The following COL1A2 variants were observed in gnomAD, a reference collection of about 807,000 sequenced individuals.
The protein encoded by COL1A2 is collagen type I alpha 2 chain.
In COL1A2, 49 loss-of-function variants were observed where a neutral mutation model predicts 174.3. That is an observed-to-expected ratio of 0.28 (90% CI 0.22 to 0.36). The LOEUF (loss-of-function observed/expected upper bound fraction) is 0.36, where lower values mean the gene tolerates loss of function less well. COL1A2 is among the 10% of genes least tolerant of loss of function. The pLI, the probability that COL1A2 is intolerant of heterozygous loss-of-function variation, is 1.00. For synonymous variants in COL1A2, 655 were observed against 606.6 expected (o/e 1.08, Z -1.17); for missense variants, 1,438 against 1,822.7 (o/e 0.79, Z 3.84).
intron 19 of COL1A2, 109 bp from the exon 20 acceptor site, chr7:94,410,133 G>T (rs1671936002): frequency 9.0e-7 from 1 of 1,108,046 alleles, no homozygotes. Context: ...ATTTCCTAGA[G>T]AACTTGAGCT....
In COL1A2 at chr7:94,426,049, A is replaced by G. The variant is rs778510332; in HGVS notation, c.2995A>G (p.Ser999Gly). The G allele has an allele frequency of 1.2e-6, 2 of 1,613,528 alleles. No individual in the cohort carries two copies. Reference protein sequence around the residue: ...PAGAVGPRGPSGPQGIRGDKG... With the variant: ...PAGAVGPRGPGGPQGIRGDKG... ...TGGTGCTGTTGGCCCAAGAGGTCCT[A>G]GTGTATGTACATGCTGAAGATTTCT... The change falls in exon 45 of 52, where the codon AGT (serine) becomes GGT (glycine). Residue 999 changes from serine (S) to glycine (G), a missense_variant and splice_region_variant. By Grantham distance (56) the Ser-to-Gly change is moderately conservative. Around this residue, in one of 3 missense-constraint regions of COL1A2, gnomAD observed 867 missense variants for 1,213.7 expected, o/e 0.71. Transcript: ENST00000297268.
chr7:94,420,810 A>C (rs984973721), intron 37 of COL1A2, 162 bp downstream of exon 37: 17 of 903,534 alleles, frequency 1.9e-5, no homozygotes, highest in Non-Finnish European at 2.5e-5. Context: ...AAAGTATAAA[A>C]GTTTCATGAA....
rs191810926 is a variant in COL1A2 at position 94,409,865 on chromosome 7, C to T, written c.1035+44C>T. ...GGTTCTCATCATCCTGAAATACCAC[C>T]TCTGCCATCATTTCATCACTATCTA... is the stretch of plus-strand genomic sequence containing the variant. On this transcript the variant is annotated intron_variant, in intron 19 of 51. Transcript: ENST00000297268. 2,186 of 1,549,786 alleles carry T rather than the reference C, an allele frequency of 1.4e-3. 6 individuals are homozygous for T. The highest frequency in any genetic ancestry group is 3.1e-3 in the Middle Eastern group (18 of 5,748).
chr7:94,398,842 A>G (rs1373445851), intron 3 of COL1A2, among the ~76,000 whole-genome samples: 4 of 152,162 alleles, frequency 2.6e-5, no homozygotes, highest in Non-Finnish European at 5.9e-5. Flanking sequence ...AGCAGCTTCC[A>G]ATCCTCCAGC....
chr7:94,412,681 C>A lies in COL1A2; in HGVS notation c.1502C>A (p.Thr501Asn), dbSNP rs1466730398. 4.3e-6 allele frequency: 7 copies of A among 1,613,628 alleles called. No individual in the cohort carries two copies. Among genetic ancestry groups the A allele is most frequent in the African/African-American group, 1.3e-5 (1 of 74,910 alleles). Reference sequence around the variant, plus strand: ...GGATTCCCTGGACCCAAAGGCCCCACTGTAAGAATCACCACAACTTTCTTA... The same window carrying A: ...GGATTCCCTGGACCCAAAGGCCCCAATGTAAGAATCACCACAACTTTCTTA... ...NIGFPGPKGPTGDPGKNGDKG... is the reference protein window; with the variant it reads ...NIGFPGPKGPNGDPGKNGDKG... Residue 501 changes from threonine to asparagine, a missense_variant and splice_region_variant, in exon 25 of 52, where the codon ACT (threonine) becomes AAT (asparagine). Thr to Asn is a moderately conservative substitution (Grantham distance 65). Coordinates refer to ENST00000297268, the MANE Select transcript of COL1A2 (RefSeq NM_000089.4).
In COL1A2 at chr7:94,430,382, T is replaced by C; in HGVS notation, c.4090T>C (p.Cys1364Arg). Residue 1364 changes from cysteine (C) to arginine (R), a missense_variant, in exon 52 of 52, where the codon TGT (cysteine) becomes CGT (arginine). By Grantham distance (180) the Cys-to-Arg change is radical (BLOSUM62 -3). Transcript: ENST00000297268. ...ATTCTTTGTGGACATTGGCCCAGTC[T>C]GTTTCAAATAAATGAACTCAATCTA... Reference protein sequence around the residue: ...QEFFVDIGPVCFK With the variant: ...QEFFVDIGPVRFK The C allele has an allele frequency of 6.2e-7, 1 of 1,614,048 alleles. No homozygotes were observed. The highest frequency in any genetic ancestry group is 8.5e-7 in the Non-Finnish European group (1 of 1,179,944).
At chr7:94,413,337 T>C (rs1162089751) in intron 26 of COL1A2, among the ~76,000 whole-genome samples, 1 of 152,178 alleles carries the variant, frequency 6.6e-6, no homozygotes, top group Non-Finnish European at 1.5e-5. Context: ...ATACATTAGG[T>C]CAAAAATACA....
intron 19 of COL1A2, 68 bp from the exon 20 acceptor site, chr7:94,410,174 G>C (rs1791890241): frequency 6.7e-7 from 1 of 1,494,110 alleles, no homozygotes; most frequent in South Asian, 1.1e-5. Flanking sequence ...AATATTCTAA[G>C]AGATTTGTCT....
At chr7:94,397,950 C>T (rs549010615) in intron 2 of COL1A2, among the ~76,000 whole-genome samples, 192 bp downstream of exon 2, 39 of 151,584 alleles carry the variant, frequency 2.6e-4, no homozygotes, top group Admixed American at 7.2e-4. Context: ...CCAAAATAGG[C>T]GGGGCTACTG....
chr7:94,409,887 T>C (rs1791881668), intron 19 of COL1A2, 66 bp downstream of exon 19: 2 of 1,437,912 alleles, frequency 1.4e-6, no homozygotes, highest in Non-Finnish European at 2.0e-6. Flanking sequence ...TTCATCACTA[T>C]CTAGACTTCC....
At chr7:94,409,650 A>G (rs767553611) in intron 18 of COL1A2, 42 bp downstream of exon 18, 64 of 1,613,860 alleles carry the variant, frequency 4.0e-5, no homozygotes. Flanking sequence ...CTATGATTTT[A>G]AAGGCATTTA....
intron 28 of COL1A2, 109 bp from the exon 29 acceptor site, chr7:94,414,113 C>T (rs953321495): frequency 3.0e-6 from 4 of 1,323,612 alleles, no homozygotes; most frequent in Non-Finnish European, 3.3e-6. Context: ...TAATAACATA[C>T]AATCGTGCTC....
At chr7:94,424,723 T>C (rs781706788) in intron 41 of COL1A2, 28 of 481,886 alleles carry the variant, frequency 5.8e-5, no homozygotes, top group Non-Finnish European at 9.0e-5. Flanking sequence ...TCCTCTGCAA[T>C]ATGAAATGCT....
intron 3 of COL1A2, 106 bp downstream of exon 3, chr7:94,398,502 G>A: frequency 2.2e-6 from 1 of 458,944 alleles, no homozygotes; most frequent in Non-Finnish European, 3.7e-6. Context: ...TCAAAATTTT[G>A]TTCATATGAA....
chr7:94,408,347 C>T lies in COL1A2; in HGVS notation c.705C>T (p.Gly235=). The T allele has an allele frequency of 5.0e-6, 8 of 1,614,042 alleles. No individual in the cohort carries two copies. Among genetic ancestry groups the T allele is most frequent in the Non-Finnish European group, 6.8e-6 (8 of 1,180,020 alleles). Residue 235 remains glycine, a synonymous_variant, in exon 15 of 52, where the codon GGC becomes GGT. Coordinates refer to ENST00000297268, the MANE Select transcript of COL1A2 (RefSeq NM_000089.4). ...VGAPGPAGAR[G]SDGSVGPVGP... ...TATTTTCTTCTTAGGGTGCCCGTGG[C>T]AGTGATGGAAGTGTGGGTCCCGTGG...
intron 26 of COL1A2, 23 bp downstream of exon 26, chr7:94,413,159 A>T (rs765741707): frequency 6.2e-7 from 1 of 1,607,594 alleles, no homozygotes; most frequent in Non-Finnish European, 8.5e-7. Flanking sequence ...TTGTGTACAG[A>T]TCTATTCACA....
Position 94,404,872 on chromosome 7 carries a change from C to G in COL1A2, c.412C>G (p.Pro138Ala). The change falls in exon 9 of 52, where the codon CCT becomes GCT. Residue 138 changes from proline (P) to alanine (A), a missense_variant. Coordinates refer to ENST00000297268, the MANE Select transcript of COL1A2 (RefSeq NM_000089.4). ...AGGTGCTCGTGGTCCAGCTGGCCCT[C>G]CTGGCAAGGCTGGTGAAGATGTAAG... ...PAGARGPAGP[P>A]GKAGEDGHPG... is the part of the protein sequence containing the mutation. The G allele has an allele frequency of 6.2e-7, 1 of 1,614,068 alleles. No individual in the cohort carries two copies. The highest frequency in any genetic ancestry group is 8.5e-7 in the Non-Finnish European group (1 of 1,179,998).
rs886526862 is a variant in COL1A2 at position 94,398,704 on chromosome 7, A to G, written c.96+308A>G. Among the ~76,000 whole-genome samples, 4 of 152,062 alleles carry G rather than the reference A, an allele frequency of 2.6e-5. No homozygotes were observed. In the South Asian group the frequency reaches 8.3e-4, roughly 32 times the overall value. ...TATGTTAATTATAGGGAGTAAAAAAAGTTTATTTTAAAGGGCTTTGACTAT... is the reference window on the plus strand; with the variant it reads ...TATGTTAATTATAGGGAGTAAAAAAGGTTTATTTTAAAGGGCTTTGACTAT... On this transcript the variant is annotated intron_variant, in intron 3 of 51. Transcript: ENST00000297268.
chr7:94,398,508 A>G lies in COL1A2; in HGVS notation c.96+112A>G, dbSNP rs180676519. Reference sequence around the variant, plus strand: ...AATACTTTATCAAAATTTTGTTCATATGAATATACATTAGCTAAAGCATAA... The same window carrying G: ...AATACTTTATCAAAATTTTGTTCATGTGAATATACATTAGCTAAAGCATAA... On this transcript the variant is annotated intron_variant, in intron 3 of 51. Coordinates refer to ENST00000297268, the MANE Select transcript of COL1A2 (RefSeq NM_000089.4). The G allele has an allele frequency of 1.3e-4, 53 of 411,902 alleles. No individual in the cohort carries two copies. The East Asian group carries it at 3.3e-3, about 26-fold the overall frequency. The allele number at this position is 411,902 out of a possible 1,614,324, so 25.5% of individuals were successfully genotyped here.
Sources: allele counts gnomAD v4.1 joint callset (sites outside exome capture counted in the v4.1 genomes callset), GRCh38; gene constraint gnomAD v4.1.1; regional missense constraint gnomAD v4.1.1; transcripts MANE v1.5; gene names NCBI Gene and HGNC (gene_info 2026-07-23, HGNC 2026-07-21).